The following MICAL3 variants were observed in gnomAD, a reference collection of about 807,000 sequenced individuals.
MICAL3 encodes the protein [F-actin]-monooxygenase MICAL3.
MICAL3 carries 62 observed loss-of-function variants against 207.4 expected under a neutral mutation model. The ratio of observed to expected loss-of-function variants is 0.30; its 90% confidence interval spans 0.24 to 0.37. The LOEUF (loss-of-function observed/expected upper bound fraction) is 0.37, where lower values mean the gene tolerates loss of function less well. Among genes scored for constraint, MICAL3 ranks in the 10% least tolerant of loss-of-function variants. The probability of loss-of-function intolerance (pLI) is 1.00; values close to 1 mark genes in which losing one functional copy is unlikely to be tolerated. For missense variants in MICAL3, 2,368 were observed against 2,635.6 expected, an observed-to-expected ratio of 0.90 and a Z score of 2.22; for synonymous variants, 1,077 against 1,069.3, an observed-to-expected ratio of 1.01 and a Z score of -0.14.
intron 1 of MICAL3, among the ~76,000 whole-genome samples, chr22:17,965,060 A>T (rs923455880): frequency 2.6e-5 from 4 of 152,182 alleles, no homozygotes; most frequent in African/African-American, 9.7e-5. Flanking sequence ...GTCCTCTGAC[A>T]GAGGGAGGAA....
At chr22:17,822,362 C>T (rs1376346299) in intron 23 of MICAL3, among the ~76,000 whole-genome samples, 192 bp from the exon 24 acceptor site, 1 of 152,252 alleles carries the variant, frequency 6.6e-6, no homozygotes, top group African/African-American at 2.4e-5. Context: ...CCAAGAGCAC[C>T]CTCCTGCCTT....
At chr22:17,905,038 G>A (rs1442737928) in intron 2 of MICAL3, among the ~76,000 whole-genome samples, 199 bp from the exon 3 acceptor site, 3 of 152,240 alleles carry the variant, frequency 2.0e-5, no homozygotes, top group Non-Finnish European at 4.4e-5. Flanking sequence ...TCACCACCAT[G>A]AATGGAGAAG....
In MICAL3 at chr22:17,818,380, G is replaced by A. The variant is rs1037742368; in HGVS notation, c.4281C>T (p.Gly1427=). Residue 1427 remains glycine (G), a synonymous_variant, in exon 26 of 32, where the codon GGC becomes GGT. Transcript: ENST00000441493. ...EERRELSSSS[G]LGLHGSSSNM... is the part of the protein sequence containing the mutation. ...TGGAGGAGCTCCCGTGCAGGCCCAG[G>A]CCAGAGCTGCTGGACAGCTCCCTGC... 44 of 1,608,112 alleles carry A rather than the reference G, an allele frequency of 2.7e-5. No homozygotes were observed. Among genetic ancestry groups the A allele is most frequent in the Non-Finnish European group, 3.5e-5 (41 of 1,178,912 alleles).
At chr22:17,819,164 T>C (rs1601963812) in intron 25 of MICAL3, 35 bp from the exon 26 acceptor site, 1 of 1,430,136 alleles carries the variant, frequency 7.0e-7, no homozygotes, top group Non-Finnish European at 9.2e-7. Flanking sequence ...GCTGAGAAGG[T>C]GTGGGCTTTC....
chr22:17,864,520 T>C, intron 19 of MICAL3: 1 of 1,431,994 alleles, frequency 7.0e-7, no homozygotes, highest in Non-Finnish European at 9.1e-7. Flanking sequence ...CCAGGGCGGG[T>C]GATGGGAGCA....
intron 15 of MICAL3, among the ~76,000 whole-genome samples, chr22:17,886,402 C>T (rs1019558591): frequency 6.6e-6 from 1 of 152,226 alleles, no homozygotes; most frequent in African/African-American, 2.4e-5. Context: ...CATGGTGGCT[C>T]ACACCTGTAA....
chr22:17,791,954 C>T (rs1386834433), intron 29 of MICAL3, among the ~76,000 whole-genome samples: 1 of 152,236 alleles, frequency 6.6e-6, no homozygotes, highest in Non-Finnish European at 1.5e-5. Context: ...CAGAGAAACA[C>T]TAGCAGCCCC....
chr22:17,992,686 G>A (rs905920662), intron 1 of MICAL3, among the ~76,000 whole-genome samples: 7 of 152,094 alleles, frequency 4.6e-5, no homozygotes, highest in South Asian at 2.1e-4. Context: ...GGCCTAGCAC[G>A]GTGCTCACTA....
intron 1 of MICAL3, chr22:18,004,352 C>CAAG (rs1923240178): frequency 6.6e-6 from 1 of 151,866 alleles, no homozygotes; most frequent in Non-Finnish European, 1.5e-5. Context: ...AACTCCGCCT[C>CAAG]CTGGGTTCAA....
intron 1 of MICAL3, among the ~76,000 whole-genome samples, chr22:17,916,388 C>T (rs1425020473): frequency 6.6e-6 from 1 of 152,170 alleles, no homozygotes; most frequent in East Asian, 1.9e-4. Context: ...AGCAAGGACA[C>T]GTCTTTCAAC....
At chr22:17,873,405 T>C (rs536612403) in intron 16 of MICAL3, among the ~76,000 whole-genome samples, 3 of 152,374 alleles carry the variant, frequency 2.0e-5, no homozygotes, top group East Asian at 3.9e-4. Flanking sequence ...GACCCCACAA[T>C]GCCTGCCACA....
chr22:17,835,893 A>G (rs534859703), intron 20 of MICAL3, among the ~76,000 whole-genome samples: 54 of 152,356 alleles, frequency 3.5e-4, no homozygotes, highest in African/African-American at 1.3e-3. Flanking sequence ...CCAGGACAGC[A>G]GGAATGTGCC....
intron 19 of MICAL3, among the ~76,000 whole-genome samples, chr22:17,850,400 GTTTTTT>G (rs565667574): frequency 0.03 from 2,201 of 74,152 alleles, 23 homozygotes; most frequent in African/African-American, 0.053. Flanking sequence ...TTTTGAATTA[GTTTTTT>G]TTTTTTTTTT....
At chr22:17,879,297 C>G (rs201759874) in intron 16 of MICAL3, 5 of 1,535,344 alleles carry the variant, frequency 3.3e-6, no homozygotes, top group South Asian at 1.2e-5. Context: ...CAGCGTGCCC[C>G]GTGTGCTTGG....
chr22:17,958,341 T>A (rs1037781200), intron 1 of MICAL3, among the ~76,000 whole-genome samples: 1 of 152,208 alleles, frequency 6.6e-6, no homozygotes, highest in Non-Finnish European at 1.5e-5. Context: ...TCAGAGAGAC[T>A]GAGTTGAACG....
At chr22:17,994,492 C>G (rs1922056000) in intron 1 of MICAL3, among the ~76,000 whole-genome samples, 1 of 152,174 alleles carries the variant, frequency 6.6e-6, no homozygotes, top group African/African-American at 2.4e-5. Context: ...TTGCAGGGAT[C>G]ACCTGAGCCC....
rs2120405 is a variant in MICAL3, at chr22:17,977,637, T to C, written c.-75+46644A>G. ...GGGAAAGTAAAATAGTGCTGCAACT[T>C]TGGAAAAGTTTGACAGCTCCTCAAA... On this transcript the variant is annotated intron_variant, in intron 1 of 31. Coordinates refer to ENST00000441493, the MANE Select transcript of MICAL3 (RefSeq NM_015241.3). Among the ~76,000 whole-genome samples the C allele has an allele frequency of 2.7e-3, 404 of 152,076 alleles. 2 individuals are homozygous for C. The highest frequency in any genetic ancestry group is 9.3e-3 in the African/African-American group (386 of 41,494).
At chr22:17,801,105 T>C (rs1244806814) in intron 29 of MICAL3, among the ~76,000 whole-genome samples, 1 of 151,424 alleles carries the variant, frequency 6.6e-6, no homozygotes, top group Non-Finnish European at 1.5e-5. Flanking sequence ...GTGTCAGTGG[T>C]GGGGCACTGT....
chr22:17,803,819 T>C (rs1458829084), intron 29 of MICAL3: 2 of 985,618 alleles, frequency 2.0e-6, no homozygotes, highest in Non-Finnish European at 2.4e-6. Context: ...ACCACCCAGA[T>C]GCAAGTCGAT....
Sources: allele counts gnomAD v4.1 joint callset (sites outside exome capture counted in the v4.1 genomes callset), GRCh38; gene constraint gnomAD v4.1.1; transcripts MANE v1.5; gene names NCBI Gene and HGNC (gene_info 2026-07-23, HGNC 2026-07-21).